The following INPP5D variants were observed in gnomAD, a reference collection of about 807,000 sequenced individuals.
INPP5D encodes the protein phosphatidylinositol 3,4,5-trisphosphate 5-phosphatase 1.
A neutral mutation model predicts 122.9 loss-of-function variants in INPP5D; 33 were observed. The ratio of observed to expected loss-of-function variants is 0.27; its 90% CI spans 0.20 to 0.36. The LOEUF is 0.36. Among genes scored for constraint, INPP5D ranks in the 10% least tolerant of loss-of-function variants. The pLI is 1.00. For missense variants in INPP5D, 1,053 were observed against 1,412.7 expected (o/e 0.75, Z 4.08); for synonymous variants, 584 against 576.2 (o/e 1.01, Z -0.19).
intron 5 of INPP5D, among the ~76,000 whole-genome samples, chr2:233,136,549 A>G (rs957491779): frequency 6.6e-6 from 1 of 152,164 alleles, no homozygotes; most frequent in Non-Finnish European, 1.5e-5. Flanking sequence ...TCTTGAAGAC[A>G]TTATGGGTCA....
At position 233,173,208 on chromosome 2, in the gene INPP5D, C is replaced by CA. The variant is rs199492575; in HGVS notation, c.1989+2075dup. Among the ~76,000 whole-genome samples the CA allele has an allele frequency of 5.4e-3, 539 of 99,894 alleles. 5 individuals carry two copies. The highest frequency in any genetic ancestry group is 0.026 in the East Asian group (56 of 2,178). 65.5% of individuals were successfully genotyped at this position (99,894 alleles called of 152,430 possible). A position where few individuals can be genotyped will look rare whatever the true frequency, so the allele number is the denominator to read the frequency against. ...TGGGTGACAGAGCAAGACTGTGTCT[C>CA]AAAAAAAAAAAAAAAAAAAGAAGGT... On this transcript the variant is annotated intron_variant, in intron 17 of 26. Coordinates refer to ENST00000445964, the MANE Select transcript of INPP5D (RefSeq NM_001017915.3).
chr2:233,191,748 G>C (rs1695061691), intron 22 of INPP5D, among the ~76,000 whole-genome samples: 2 of 152,208 alleles, frequency 1.3e-5, no homozygotes, highest in South Asian at 4.1e-4. Flanking sequence ...AGTGAACAAA[G>C]CATGAGGAGG....
At chr2:233,186,935 T>C (rs1694937945) in intron 21 of INPP5D, among the ~76,000 whole-genome samples, 1 of 151,850 alleles carries the variant, frequency 6.6e-6, no homozygotes, top group African/African-American at 2.4e-5. Context: ...TTGGCCACGC[T>C]GGTTTCAACT....
At position 233,183,236 on chromosome 2, in the gene INPP5D, G is replaced by A. The variant is rs753718383; in HGVS notation, c.2161+737G>A. Among the ~76,000 whole-genome samples, 5 of 152,116 alleles carry A rather than the reference G, an allele frequency of 3.3e-5. No homozygotes were observed. Among genetic ancestry groups the A allele is most frequent in the Admixed American group, 1.3e-4 (2 of 15,276 alleles). ...TTGTCTCTGCCCAGTCTCTGCTTCC[G>A]CGGTCAGCCCAGTGGTCACTGGGCT... On this transcript the variant is annotated intron_variant, in intron 19 of 26. Coordinates refer to ENST00000445964, the MANE Select transcript of INPP5D (RefSeq NM_001017915.3). The surrounding 1 kb of genome is among the most constrained non-coding windows in gnomAD (Gnocchi z 4.6).
intron 2 of INPP5D, among the ~76,000 whole-genome samples, chr2:233,117,237 C>T (rs369060768): frequency 6.6e-6 from 1 of 152,124 alleles, no homozygotes; most frequent in Admixed American, 6.6e-5. Context: ...AAGGGCAGTC[C>T]CCTCCTTGGT....
At chr2:233,147,946 G>C (rs1383759069) in intron 9 of INPP5D, among the ~76,000 whole-genome samples, 1 of 152,228 alleles carries the variant, frequency 6.6e-6, no homozygotes, top group African/African-American at 2.4e-5. Flanking sequence ...TGTGACCTGG[G>C]ACATGTCATG....
intron 4 of INPP5D, 112 bp downstream of exon 4, chr2:233,126,031 A>ACCTCCCCATCTCCCTC: frequency 9.5e-7 from 1 of 1,050,398 alleles, no homozygotes; most frequent in Non-Finnish European, 1.4e-6. Context: ...CCAGAGGGAG[A>ACCTCCCCATCTCCCTC]TGGGGAGGTC....
Position 233,164,563 on chromosome 2 carries a change from C to T in INPP5D, c.1555+139C>T. On this transcript the variant is annotated intron_variant, in intron 13 of 26. Transcript: ENST00000445964. The surrounding 1 kb of genome is among the most constrained non-coding windows in gnomAD (Gnocchi z 4.3). ...CCTCAGATCCTGGCTCAGTCCTCAG[C>T]AAATAGGGGTGATTGGTCTCCCTGG... 7.8e-7 allele frequency: 1 copy of T among 1,285,720 alleles called. No individual in the cohort carries two copies. The highest frequency in any genetic ancestry group is 1.0e-6 in the Non-Finnish European group (1 of 986,388). The allele number at this position is 1,285,720 out of a possible 1,614,324, so 79.6% of individuals were successfully genotyped here. A position where few individuals can be genotyped will look rare whatever the true frequency, so the allele number is the denominator to read the frequency against.
intron 6 of INPP5D, among the ~76,000 whole-genome samples, chr2:233,144,991 G>C (rs1238478315): frequency 6.6e-6 from 1 of 152,046 alleles, no homozygotes; most frequent in African/African-American, 2.4e-5. Context: ...GTGAGGTAAA[G>C]GGACATCACC....
At chr2:233,166,723 G>A (rs1178249956) in intron 13 of INPP5D, among the ~76,000 whole-genome samples, 1 of 152,208 alleles carries the variant, frequency 6.6e-6, no homozygotes, top group Non-Finnish European at 1.5e-5. Context: ...GTAGGCTCAC[G>A]CCTGTAATCC....
intron 23 of INPP5D, 21 bp downstream of exon 23, chr2:233,193,982 C>T (rs1283750924): frequency 6.4e-7 from 1 of 1,568,808 alleles, no homozygotes; most frequent in South Asian, 1.2e-5. Flanking sequence ...AGCCCCTCCC[C>T]AGCGCCCTCT....
intron 22 of INPP5D, among the ~76,000 whole-genome samples, chr2:233,190,471 A>C (rs1695025022): frequency 1.3e-5 from 2 of 152,080 alleles, no homozygotes. Context: ...CCAAGGAGCC[A>C]CCCTCTGCCC....
chr2:233,061,386 T>G (rs1691070580), intron 1 of INPP5D, among the ~76,000 whole-genome samples: 1 of 152,110 alleles, frequency 6.6e-6, no homozygotes, highest in Non-Finnish European at 1.5e-5. Context: ...AGGAGGCCCT[T>G]GCCCTGCAGC....
At chr2:233,073,746 T>A (rs1273729213) in intron 1 of INPP5D, among the ~76,000 whole-genome samples, 1 of 152,250 alleles carries the variant, frequency 6.6e-6, no homozygotes, top group East Asian at 1.9e-4. Flanking sequence ...CTCTCTTTTT[T>A]AAATCTTTGT....
At chr2:233,116,599 AT>A (rs1294294390) in intron 2 of INPP5D, among the ~76,000 whole-genome samples, 36 of 127,106 alleles carry the variant, frequency 2.8e-4, no homozygotes, top group Admixed American at 4.1e-4. Flanking sequence ...AGACCTCATA[AT>A]TTTTTTTTTT....
intron 2 of INPP5D, among the ~76,000 whole-genome samples, chr2:233,080,047 A>T (rs1691631380): frequency 6.6e-6 from 1 of 152,268 alleles, no homozygotes; most frequent in East Asian, 1.9e-4. Context: ...CCCCTGCCTC[A>T]GTCTCCCTAG....
intron 18 of INPP5D, among the ~76,000 whole-genome samples, chr2:233,178,665 G>C (rs1274132184): frequency 6.6e-6 from 1 of 152,026 alleles, no homozygotes; most frequent in East Asian, 1.9e-4. Context: ...TGTATTTTTA[G>C]TAGAGATGGG....
intron 2 of INPP5D, among the ~76,000 whole-genome samples, chr2:233,088,519 C>T (rs73101521): frequency 0.038 from 5,724 of 152,252 alleles, 368 homozygotes; most frequent in African/African-American, 0.13. Flanking sequence ...CTAGTTCCCT[C>T]GGGGAAGCAG....
In INPP5D at chr2:233,199,331, G is replaced by A. The variant is rs1238797996; in HGVS notation, c.2975+955G>A. Among the ~76,000 whole-genome samples, 16 of 140,034 alleles carry A rather than the reference G, an allele frequency of 1.1e-4. 1 individual carries two copies. The East Asian group carries it at 3.1e-3, about 28-fold the overall frequency. The allele number at this position is 140,034 out of a possible 152,430, so 91.9% of individuals were successfully genotyped here. A position where few individuals can be genotyped will look rare whatever the true frequency, so the allele number is the denominator to read the frequency against. On this transcript the variant is annotated intron_variant, in intron 25 of 26. Coordinates refer to ENST00000445964, the MANE Select transcript of INPP5D (RefSeq NM_001017915.3). ...GAACCCAGGAGGCAGAGGTTGCAGT[G>A]AGCCAAGATTGCACCACTGCACCCC... is the stretch of plus-strand genomic sequence containing the variant.
Sources: allele counts gnomAD v4.1 joint callset (sites outside exome capture counted in the v4.1 genomes callset), GRCh38; gene constraint gnomAD v4.1.1; non-coding constraint Gnocchi (gnomAD v3.1); transcripts MANE v1.5; gene names NCBI Gene and HGNC (gene_info 2026-07-23, HGNC 2026-07-21).